Variants in KLRF1 observed in about 807,000 individuals in gnomAD.
KLRF1 encodes killer cell lectin like receptor F1.
In KLRF1, 27 loss-of-function variants were observed where a neutral mutation model predicts 30.7. That is an observed-to-expected ratio of 0.88 (90% CI 0.65 to 1.21). The LOEUF is 1.21. KLRF1 is among the 50% of genes most tolerant of loss of function. The probability of loss-of-function intolerance (pLI) is 0.00; values close to 1 mark genes in which losing one functional copy is unlikely to be tolerated. For missense variants in KLRF1, 246 were observed against 259.3 expected, an observed-to-expected ratio of 0.95 and a Z score of 0.35; for synonymous variants, 92 against 89.3, an observed-to-expected ratio of 1.03 and a Z score of -0.17.
chr12:9,828,471 T>G (rs1400195782), intron 1 of KLRF1, among the ~76,000 whole-genome samples: 1 of 152,200 alleles, frequency 6.6e-6, no homozygotes, highest in Non-Finnish European at 1.5e-5. Context: ...GCAATCAACA[T>G]TTTAATTTGC....
intron 3 of KLRF1, among the ~76,000 whole-genome samples, chr12:9,836,751 A>G (rs1591758809): frequency 1.3e-5 from 2 of 152,028 alleles, no homozygotes; most frequent in East Asian, 3.9e-4. Flanking sequence ...ATATTTCCCA[A>G]ACTAATAGAT....
intron 2 of KLRF1, among the ~76,000 whole-genome samples, chr12:9,832,792 C>T (rs1867469703): frequency 6.6e-6 from 1 of 151,930 alleles, no homozygotes; most frequent in Non-Finnish European, 1.5e-5. Flanking sequence ...TACATTTTAT[C>T]TAAGGTTGCA....
intron 5 of KLRF1, among the ~76,000 whole-genome samples, chr12:9,843,792 T>C (rs1171603663): frequency 6.6e-6 from 1 of 152,190 alleles, no homozygotes. Flanking sequence ...CTTATCAATT[T>C]GGAAGCTTTG....
At chr12:9,807,104 G>A in the KLRF1 span, among the ~76,000 whole-genome samples, 1 of 151,904 alleles carries the variant, frequency 6.6e-6, no homozygotes, top group Non-Finnish European at 1.5e-5. Flanking sequence ...AATGTTTACT[G>A]TAGGGCTTAT....
upstream of KLRF1, among the ~76,000 whole-genome samples, chr12:9,823,825 A>G (rs1591749060): frequency 1.3e-5 from 2 of 152,072 alleles, no homozygotes; most frequent in East Asian, 3.8e-4. Context: ...ATGAAATATA[A>G]ATAACCATCA....
At chr12:9,842,074 A>T in intron 4 of KLRF1, 123 bp downstream of exon 4, 1 of 1,130,082 alleles carries the variant, frequency 8.8e-7, no homozygotes, top group African/African-American at 1.6e-5. Flanking sequence ...GCACCCTCTT[A>T]AATTTTGTAT....
chr12:9,824,730 A>G (rs1458886982), upstream of KLRF1, among the ~76,000 whole-genome samples: 2 of 152,176 alleles, frequency 1.3e-5, no homozygotes, highest in Non-Finnish European at 1.5e-5. Context: ...ACTCTTGGCC[A>G]AAAAGCTCCT....
At chr12:9,837,220 C>T (rs887155316) in intron 3 of KLRF1, among the ~76,000 whole-genome samples, 2 of 151,924 alleles carry the variant, frequency 1.3e-5, no homozygotes, top group Non-Finnish European at 2.9e-5. Context: ...CAATATTTGG[C>T]CTTGGGCTTC....
chr12:9,830,437 C>T (rs773660982), intron 1 of KLRF1, among the ~76,000 whole-genome samples: 47 of 152,082 alleles, frequency 3.1e-4, no homozygotes, highest in African/African-American at 1.0e-3. Context: ...ATTACCTCTT[C>T]GTATTAAAAA....
At chr12:9,805,095 A>T in the KLRF1 span, among the ~76,000 whole-genome samples, 1 of 151,952 alleles carries the variant, frequency 6.6e-6, no homozygotes, top group African/African-American at 2.4e-5. Flanking sequence ...TTAACATAGT[A>T]TTATATTATT....
At chr12:9,829,219 A>C in intron 1 of KLRF1, among the ~76,000 whole-genome samples, 1 of 152,318 alleles carries the variant, frequency 6.6e-6, no homozygotes, top group Non-Finnish European at 1.5e-5. Context: ...TAATATTATA[A>C]TAATAGTTAC....
the KLRF1 span, among the ~76,000 whole-genome samples, chr12:9,801,511 A>G: frequency 0.034 from 5,160 of 151,894 alleles, 260 homozygotes; most frequent in African/African-American, 0.11. Context: ...CAGCATCTAT[A>G]GTTTCTTGAC....
the KLRF1 span, among the ~76,000 whole-genome samples, chr12:9,808,728 GTAAA>G: frequency 6.6e-6 from 1 of 152,102 alleles, no homozygotes; most frequent in African/African-American, 2.4e-5. Context: ...CTAAGTCTTA[GTAAA>G]TATCCATATG....
intron 3 of KLRF1, among the ~76,000 whole-genome samples, chr12:9,838,637 G>C (rs1867639341): frequency 6.6e-6 from 1 of 152,120 alleles, no homozygotes. Context: ...ATTGTGGTCT[G>C]TTATAGCTGA....
At chr12:9,822,907 G>A (rs773534979), upstream of KLRF1, among the ~76,000 whole-genome samples, 10 of 152,096 alleles carry the variant, frequency 6.6e-5, no homozygotes, top group East Asian at 1.9e-4. Flanking sequence ...TCAATTCAGC[G>A]AGAAGACTTA....
chr12:9,811,550 A>G, the KLRF1 span, among the ~76,000 whole-genome samples: 1 of 152,182 alleles, frequency 6.6e-6, no homozygotes, highest in Non-Finnish European at 1.5e-5. Context: ...AAGCAGATCC[A>G]ATCCAAGCTG....
chr12:9,809,811 A>G, the KLRF1 span, among the ~76,000 whole-genome samples: 2 of 151,492 alleles, frequency 1.3e-5, no homozygotes, highest in Non-Finnish European at 2.9e-5. Flanking sequence ...TTCTATTGAT[A>G]AATCTGTTTT....
rs201071032 is a variant in KLRF1 at position 9,832,354 on chromosome 12, G to A, written c.124G>A (p.Gly42Arg). 119 of 1,609,136 alleles carry A rather than the reference G, an allele frequency of 7.4e-5. 1 individual carries two copies. Among genetic ancestry groups the A allele is most frequent in the Non-Finnish European group, 1.6e-5 (19 of 1,176,366 alleles). The part of the protein sequence containing the change: ...VTLHWYKILL[G>R]ISGTVNGILT... ...GTTGCACTGGTATAAAATCTTACTG[G>A]GAATATCTGGAACCGTGAATGGTAT... The change falls in exon 2 of 6, where the codon GGA (glycine) becomes AGA (arginine). Residue 42 changes from glycine (G) to arginine (R), a missense_variant. Transcript: ENST00000617889.
rs1867446974 is a variant in KLRF1, at chr12:9,832,316, ATTATTCAGTGACG to A, written c.89_101del (p.Tyr30CysfsTer14). The A allele has an allele frequency of 6.4e-7, 1 of 1,554,462 alleles. No homozygotes were observed. The highest frequency in any genetic ancestry group is 8.9e-7 in the Non-Finnish European group (1 of 1,127,406). ...CTAATTCATGTGATTAATGTCTCAG[ATTATTCAGTGACG>A]TTGCACTGGTATAAAATCTTACTGG... On this transcript the variant is annotated frameshift_variant and splice_region_variant, in exon 2 of 6. Transcript: ENST00000617889. LOFTEE classifies it high-confidence loss of function.
Sources: gnomAD v4.1 joint callset for allele counts (sites outside exome capture counted in the v4.1 genomes callset) on GRCh38, gnomAD v4.1.1 for gene constraint, MANE v1.5 for transcripts, NCBI Gene and HGNC (gene_info 2026-07-23, HGNC 2026-07-21) for gene names.